Variants in WWOX observed in about 807,000 individuals in gnomAD.
WWOX encodes the protein WW domain-containing oxidoreductase.
In WWOX, 69 loss-of-function variants were observed where a neutral mutation model predicts 46.2. The ratio of observed to expected loss-of-function variants is 1.49; its 90% CI spans 1.23 to 1.82. The LOEUF is 1.82. WWOX is among the 40% of genes most tolerant of loss of function. The pLI, the probability that WWOX is intolerant of heterozygous loss-of-function variation, is 0.00. For missense variants in WWOX, 919 were observed against 542.6 expected (o/e 1.69, Z -6.89); for synonymous variants, 359 against 202.6 (o/e 1.77, Z -6.56).
chr16:79,076,235 C>G (rs1461713701), intron 8 of WWOX, among the ~76,000 whole-genome samples: 1 of 152,212 alleles, frequency 6.6e-6, no homozygotes, highest in Admixed American at 6.5e-5. Context: ...TGTGTGACCA[C>G]ACACAGTGTC....
chr16:78,558,861 A>G (rs2044366557), intron 8 of WWOX, among the ~76,000 whole-genome samples: 2 of 152,122 alleles, frequency 1.3e-5, no homozygotes, highest in Admixed American at 6.5e-5. Context: ...CCTTCTCTCT[A>G]CAACCTTCAG....
intron 5 of WWOX, among the ~76,000 whole-genome samples, chr16:78,267,567 G>T (rs1421137272): frequency 6.6e-6 from 1 of 152,192 alleles, no homozygotes; most frequent in Non-Finnish European, 1.5e-5. Flanking sequence ...GGACTCGAGG[G>T]GAATGAGCCC....
chr16:78,541,473 CAAAAAAAAAAAAAA>C (rs59900108), intron 8 of WWOX, among the ~76,000 whole-genome samples: 12 of 45,168 alleles, frequency 2.7e-4, no homozygotes, highest in East Asian at 9.0e-4. Flanking sequence ...GACTCCGTCT[CAAAAAAAAAAAAAA>C]AAAAAAAAAA....
intron 8 of WWOX, among the ~76,000 whole-genome samples, chr16:79,023,046 A>G (rs1031117604): frequency 1.3e-5 from 2 of 149,110 alleles, no homozygotes; most frequent in African/African-American, 5.1e-5. Flanking sequence ...TGGCTTATTG[A>G]AAAAACAAAA....
intron 6 of WWOX, among the ~76,000 whole-genome samples, chr16:78,404,041 C>G (rs1255064412): frequency 6.6e-6 from 1 of 152,120 alleles, no homozygotes; most frequent in Non-Finnish European, 1.5e-5. Context: ...AAGTCTTTTG[C>G]AAAGGGCGAG....
chr16:79,132,614 A>T (rs1230284742), intron 8 of WWOX, among the ~76,000 whole-genome samples: 1 of 151,958 alleles, frequency 6.6e-6, no homozygotes, highest in African/African-American at 2.4e-5. Flanking sequence ...TTTTTCCCTC[A>T]AACATCGCTT....
chr16:79,022,859 A>G (rs8047597), intron 8 of WWOX, among the ~76,000 whole-genome samples: 75,863 of 151,958 alleles, frequency 0.5, 19,342 homozygotes, highest in East Asian at 0.61. Flanking sequence ...TGTGCTTTGC[A>G]CTTTCTGGCT....
chr16:78,508,276 G>T (rs1318734877), intron 8 of WWOX, among the ~76,000 whole-genome samples: 1 of 145,986 alleles, frequency 6.8e-6, no homozygotes, highest in African/African-American at 2.6e-5. Context: ...CACCCAAAGT[G>T]CTGGGATTAT....
In WWOX at chr16:78,249,303, G is replaced by A. The variant is rs544124856; in HGVS notation, c.516+85014G>A. ...TTAATGCAAAGCTGCACTGCCTCAC[G>A]AGGTCGCTGATGCACTCTCATTCCT... On this transcript the variant is annotated intron_variant, in intron 5 of 8. Transcript: ENST00000566780. 9.9e-5 allele frequency among the ~76,000 whole-genome samples: 15 copies of A among 152,284 alleles called. 1 individual carries two copies. In the South Asian group the frequency reaches 2.9e-3, roughly 29 times the overall value.
intron 5 of WWOX, among the ~76,000 whole-genome samples, chr16:78,278,115 A>T (rs1486797531): frequency 6.6e-6 from 1 of 152,076 alleles, no homozygotes; most frequent in Non-Finnish European, 1.5e-5. Flanking sequence ...TCTCTCCAGG[A>T]TCTCATTGGC....
At chr16:78,704,175 G>A (rs948751915) in intron 8 of WWOX, among the ~76,000 whole-genome samples, 1 of 151,622 alleles carries the variant, frequency 6.6e-6, no homozygotes, top group African/African-American at 2.4e-5. Flanking sequence ...GTTCCCTGTG[G>A]CAACTATGTA....
intron 8 of WWOX, among the ~76,000 whole-genome samples, chr16:79,006,824 T>C (rs1044272541): frequency 6.6e-6 from 1 of 152,130 alleles, no homozygotes; most frequent in Non-Finnish European, 1.5e-5. Flanking sequence ...GGCTGAGTCT[T>C]TCTCATGCTG....
At chr16:78,786,831 G>A (rs1384147059) in intron 8 of WWOX, among the ~76,000 whole-genome samples, 3 of 152,168 alleles carry the variant, frequency 2.0e-5, no homozygotes, top group African/African-American at 7.2e-5. Flanking sequence ...TTAAATTGTG[G>A]TAAGATTTAC....
chr16:79,177,093 A>G (rs1242987425), intron 8 of WWOX, among the ~76,000 whole-genome samples: 1 of 152,204 alleles, frequency 6.6e-6, no homozygotes, highest in Non-Finnish European at 1.5e-5. Context: ...TAAAATTGAA[A>G]TGGCTTCACA....
intron 8 of WWOX, among the ~76,000 whole-genome samples, chr16:79,164,001 G>A (rs1450573189): frequency 6.6e-6 from 1 of 151,982 alleles, no homozygotes; most frequent in East Asian, 1.9e-4. Flanking sequence ...CAAATAAACA[G>A]TGAGAAGTAT....
chr16:78,553,848 T>G (rs1442525575), intron 8 of WWOX, among the ~76,000 whole-genome samples: 2 of 151,642 alleles, frequency 1.3e-5, no homozygotes, highest in African/African-American at 4.8e-5. Flanking sequence ...CAAAGGGAAG[T>G]GTGGCTGCCC....
intron 8 of WWOX, among the ~76,000 whole-genome samples, chr16:79,199,174 C>T (rs142814431): frequency 1.8e-4 from 28 of 152,300 alleles, no homozygotes; most frequent in South Asian, 1.5e-3. Flanking sequence ...GCCATCCTCC[C>T]GCCTCAGCCT....
chr16:78,870,175 C>G (rs887239248), intron 8 of WWOX, among the ~76,000 whole-genome samples: 19 of 152,320 alleles, frequency 1.2e-4, no homozygotes, highest in African/African-American at 4.6e-4. Flanking sequence ...TCTCCTAACC[C>G]TAAGATCCTG....
At chr16:79,073,964 G>A (rs1329436662) in intron 8 of WWOX, among the ~76,000 whole-genome samples, 1 of 151,416 alleles carries the variant, frequency 6.6e-6, no homozygotes, top group Non-Finnish European at 1.5e-5. Flanking sequence ...TTCTGGAGGA[G>A]GGTACCCTTC....
Sources: allele counts gnomAD v4.1 joint callset (sites outside exome capture counted in the v4.1 genomes callset), GRCh38; gene constraint gnomAD v4.1.1; transcripts MANE v1.5; gene names NCBI Gene and HGNC (gene_info 2026-07-23, HGNC 2026-07-21).